Variants in CHRNA7 observed in about 807,000 individuals in gnomAD.
CHRNA7 encodes the protein cholinergic receptor nicotinic alpha 7 subunit.
In CHRNA7, 17 loss-of-function variants were observed where a neutral mutation model predicts 48.0. The observed-to-expected ratio is 0.35, with a 90% confidence interval of 0.24 to 0.53. The LOEUF (loss-of-function observed/expected upper bound fraction) is 0.53. Ranked by LOEUF, CHRNA7 falls within the 20% of genes least tolerant of loss-of-function variation. The probability of loss-of-function intolerance (pLI) is 0.92; values close to 1 mark genes in which losing one functional copy is unlikely to be tolerated. For synonymous variants in CHRNA7, 75 were observed against 242.3 expected, an observed-to-expected ratio of 0.31 and a Z score of 6.41; for missense variants, 155 against 577.7, an observed-to-expected ratio of 0.27 and a Z score of 7.50.
intron 8 of CHRNA7, chr15:32,161,925 C>T (rs1788767611): frequency 9.6e-6 from 1 of 103,670 alleles, no homozygotes; most frequent in African/African-American, 4.1e-5. Context: ...GACCAAGTGT[C>T]TATAAATCGG....
chr15:32,113,367 T>C (rs773126763), intron 4 of CHRNA7, among the ~76,000 whole-genome samples: 3 of 152,158 alleles, frequency 2.0e-5, no homozygotes, highest in Non-Finnish European at 4.4e-5. Context: ...AAAGGTTCTG[T>C]CTTCAAATAG....
At chr15:32,144,978 C>G (rs2051458003) in intron 4 of CHRNA7, among the ~76,000 whole-genome samples, 1 of 152,174 alleles carries the variant, frequency 6.6e-6, no homozygotes. Flanking sequence ...GAGCTGCGAT[C>G]CTTTGGAGAA....
chr15:32,150,644 A>C (rs957072147), intron 4 of CHRNA7, among the ~76,000 whole-genome samples: 1 of 152,198 alleles, frequency 6.6e-6, no homozygotes, highest in Non-Finnish European at 1.5e-5. Context: ...GTTAATAGTC[A>C]TTTGAGTGTG....
chr15:32,086,047 C>T (rs2050290015), intron 2 of CHRNA7, among the ~76,000 whole-genome samples: 1 of 152,048 alleles, frequency 6.6e-6, no homozygotes, highest in South Asian at 2.1e-4. Flanking sequence ...AATAAACTCC[C>T]TTGTAATATC....
intron 4 of CHRNA7, among the ~76,000 whole-genome samples, chr15:32,135,270 A>G (rs891906334): frequency 1.3e-5 from 2 of 152,240 alleles, no homozygotes; most frequent in East Asian, 1.9e-4. Context: ...GAAAACAGGT[A>G]AAGTTATGGC....
intron 4 of CHRNA7, among the ~76,000 whole-genome samples, chr15:32,112,536 A>G (rs1428868055): frequency 6.6e-6 from 1 of 152,242 alleles, no homozygotes; most frequent in Admixed American, 6.5e-5. Context: ...AGGCAGGGTA[A>G]GTTTCTAGAA....
chr15:32,107,280 T>C (rs2050686248), intron 3 of CHRNA7, among the ~76,000 whole-genome samples: 1 of 152,090 alleles, frequency 6.6e-6, no homozygotes, highest in African/African-American at 2.4e-5. Flanking sequence ...AGATACCAGC[T>C]GCAAATGGTG....
chr15:32,037,308 A>G (rs899579410), intron 2 of CHRNA7, among the ~76,000 whole-genome samples: 6 of 152,312 alleles, frequency 3.9e-5, no homozygotes, highest in South Asian at 2.1e-4. Context: ...TCTTTCATCA[A>G]TAACACAGTC....
At chr15:32,081,142 G>A (rs1056450004) in intron 2 of CHRNA7, among the ~76,000 whole-genome samples, 14 of 152,158 alleles carry the variant, frequency 9.2e-5, no homozygotes, top group Admixed American at 4.6e-4. Context: ...CCTGTCGGGT[G>A]GGGTCCTGGC....
intron 4 of CHRNA7, among the ~76,000 whole-genome samples, chr15:32,138,087 C>A (rs2051304949): frequency 6.6e-6 from 1 of 151,636 alleles, no homozygotes. Flanking sequence ...AAAGATAAAC[C>A]TAGAAATGTA....
chr15:32,069,567 AG>A, intron 2 of CHRNA7, among the ~76,000 whole-genome samples: 1 of 152,334 alleles, frequency 6.6e-6, no homozygotes, highest in South Asian at 2.1e-4. Context: ...GGATCACTTG[AG>A]CACAGGAGGT....
At chr15:32,078,812 T>G (rs1416456192) in intron 2 of CHRNA7, among the ~76,000 whole-genome samples, 1 of 152,094 alleles carries the variant, frequency 6.6e-6, no homozygotes, top group Non-Finnish European at 1.5e-5. Flanking sequence ...GAGGCCAGCA[T>G]CATCCTGATA....
intron 2 of CHRNA7, among the ~76,000 whole-genome samples, chr15:32,048,060 G>C (rs2141182047): frequency 6.6e-6 from 1 of 152,230 alleles, no homozygotes; most frequent in East Asian, 1.9e-4. Context: ...ATGTGCTGCT[G>C]GATTCCGTTT....
intron 4 of CHRNA7, among the ~76,000 whole-genome samples, chr15:32,146,555 A>G (rs1394789627): frequency 3.3e-5 from 5 of 152,238 alleles, no homozygotes; most frequent in Non-Finnish European, 5.9e-5. Context: ...ACAAAACAAG[A>G]TCTATCGAAG....
At chr15:32,135,416 A>G (rs1428857550) in intron 4 of CHRNA7, among the ~76,000 whole-genome samples, 1 of 152,214 alleles carries the variant, frequency 6.6e-6, no homozygotes. Context: ...GAATTTCGAG[A>G]TGAATTCTAA....
In CHRNA7 at chr15:32,149,272, C is replaced by T. The variant is rs1048674287; in HGVS notation, c.351-4635C>T. On this transcript the variant is annotated intron_variant, in intron 4 of 9. Coordinates refer to ENST00000306901, the MANE Select transcript of CHRNA7 (RefSeq NM_000746.6). This position sits in a 1 kb window ranked among gnomAD's most constrained non-coding sequence, Gnocchi z 4.6. ...AGGAGGAGAATGAATCCCTGCAGCC[C>T]TACCCCTGTTTCCACGGTTATGGGT... Among the ~76,000 whole-genome samples, 1 of 152,190 alleles carries T rather than the reference C, an allele frequency of 6.6e-6. No individual in the cohort carries two copies. Among genetic ancestry groups the T allele is most frequent in the African/African-American group, 2.4e-5 (1 of 41,436 alleles).
At chr15:32,115,268 TAAAGCC>T (rs1468703828) in intron 4 of CHRNA7, among the ~76,000 whole-genome samples, 1 of 151,982 alleles carries the variant, frequency 6.6e-6, no homozygotes, top group Admixed American at 6.5e-5. Context: ...AGGGTCAAAG[TAAAGCC>T]CCAGGAAACC....
intron 2 of CHRNA7, among the ~76,000 whole-genome samples, chr15:32,033,857 G>T (rs144304993): frequency 2.6e-5 from 4 of 152,292 alleles, no homozygotes; most frequent in African/African-American, 7.2e-5. Flanking sequence ...GATTGCTTTT[G>T]TTTGTCAGCA....
At chr15:32,113,234 C>T (rs2050793101) in intron 4 of CHRNA7, among the ~76,000 whole-genome samples, 1 of 152,198 alleles carries the variant, frequency 6.6e-6, no homozygotes, top group African/African-American at 2.4e-5. Context: ...TGCCATCTCA[C>T]TGGGTTCACG....
Sources: allele counts gnomAD v4.1 joint callset (sites outside exome capture counted in the v4.1 genomes callset), GRCh38; gene constraint gnomAD v4.1.1; non-coding constraint Gnocchi (gnomAD v3.1); transcripts MANE v1.5; gene names NCBI Gene and HGNC (gene_info 2026-07-23, HGNC 2026-07-21).